The following CHERP variants were observed in gnomAD, a reference collection of about 807,000 sequenced individuals.
The protein encoded by CHERP is ERPROT 213-21.
Under a neutral mutation model 113.8 loss-of-function variants are expected in CHERP, and 8 were observed. That is an observed-to-expected ratio of 0.07 (90% CI 0.04 to 0.13). The LOEUF is 0.13. CHERP is among the 10% of genes least tolerant of loss of function. CHERP has a pLI of 1.00. For missense variants in CHERP, 884 were observed against 1,298.2 expected (o/e 0.68, Z 4.90); for synonymous variants, 559 against 524.5 (o/e 1.07, Z -0.90).
At chr19:16,542,189 GGCC>G in intron 1 of CHERP, 146 bp from the exon 2 acceptor site, 1 of 1,087,750 alleles carries the variant, frequency 9.2e-7, no homozygotes, top group Non-Finnish European at 1.3e-6. Flanking sequence ...TCCCGATAGG[GGCC>G]ACACGCTCGC....
At chr19:16,540,898 A>C (rs1173020767) in intron 2 of CHERP, among the ~76,000 whole-genome samples, 2 of 151,424 alleles carry the variant, frequency 1.3e-5, no homozygotes, top group African/African-American at 4.9e-5. Flanking sequence ...GGGTTTCACT[A>C]TGTTGGCCAG....
chr19:16,529,974 C>T, intron 7 of CHERP, 74 bp from the exon 8 acceptor site: 1 of 1,529,846 alleles, frequency 6.5e-7, no homozygotes, highest in South Asian at 1.2e-5. Flanking sequence ...AGGACAAACG[C>T]CTGGAAAGCA....
intron 1 of CHERP, 90 bp from the exon 2 acceptor site, chr19:16,542,133 G>A (rs898255308): frequency 6.9e-7 from 1 of 1,439,682 alleles, no homozygotes; most frequent in Non-Finnish European, 9.3e-7. Context: ...CCGCCTTGCC[G>A]GGGACCCCAA....
chr19:16,542,241 G>A (rs2085785532), intron 1 of CHERP, 113 bp downstream of exon 1: 6 of 1,137,928 alleles, frequency 5.3e-6, no homozygotes, highest in East Asian at 3.1e-5. Flanking sequence ...CGCAGGCGAA[G>A]CCGCGAGGCC....
At chr19:16,538,030 A>T (rs1270003891) in intron 2 of CHERP, among the ~76,000 whole-genome samples, 2 of 152,160 alleles carry the variant, frequency 1.3e-5, no homozygotes, top group Admixed American at 6.5e-5. Flanking sequence ...CCAGGCTTTA[A>T]GGCGTGGGGT....
chr19:16,535,604 G>C lies in CHERP; in HGVS notation c.232C>G (p.Pro78Ala), dbSNP rs1216864363. Residue 78 changes from proline to alanine, a missense_variant, in exon 3 of 17, where the codon CCA (proline) becomes GCA (alanine). Physicochemically the swap from Pro to Ala is conservative, Grantham distance 27. Around this residue, in one of 8 missense-constraint regions of CHERP, gnomAD observed 109 missense variants for 134.2 expected, o/e 0.81. Coordinates refer to ENST00000546361, the MANE Select transcript of CHERP (RefSeq NM_006387.6). The surrounding 1 kb of genome is among the most constrained non-coding windows in gnomAD (Gnocchi z 4.3). ...ICKQQTPELEPAATMPPLPQP... is the reference protein window; with the variant it reads ...ICKQQTPELEAAATMPPLPQP... ...GGCAGGGGTGGCATGGTGGCGGCTG[G>C]CTCCAGCTCCGGGGTCTGCTGCTTG... The C allele has an allele frequency of 7.1e-6, 11 of 1,540,084 alleles. No homozygotes were observed.
chr19:16,528,574 G>C (rs1166667851), intron 8 of CHERP, among the ~76,000 whole-genome samples: 15 of 152,206 alleles, frequency 9.9e-5, no homozygotes, highest in Admixed American at 9.8e-4. Flanking sequence ...TAATTAAAAG[G>C]TCATTTCCCC....
At chr19:16,538,032 G>GC (rs541122940) in intron 2 of CHERP, among the ~76,000 whole-genome samples, 31 of 152,200 alleles carry the variant, frequency 2.0e-4, no homozygotes, top group Admixed American at 1.5e-3. Context: ...AGGCTTTAAG[G>GC]CGTGGGGTGC....
chr19:16,520,260 C>G lies in CHERP; in HGVS notation c.2351G>C (p.Arg784Pro), dbSNP rs372500028. The change falls in exon 15 of 17, where the codon CGG becomes CCG. Residue 784 changes from arginine (R) to proline (P), a missense_variant. Physicochemically the swap from Arg to Pro is moderately radical, Grantham distance 103. This residue lies in a region of CHERP where 159 missense variants were observed against 185.8 expected (regional missense o/e 0.86). Transcript: ENST00000546361. The surrounding 1 kb of genome is among the most constrained non-coding windows in gnomAD (Gnocchi z 4.0). Reference sequence around the variant, plus strand: ...GCTTCTGGAGGAGCGCGACCTGCTCCGACTTCTGCAGGGAAGGGTGCCCAA... The same window carrying G: ...GCTTCTGGAGGAGCGCGACCTGCTCGGACTTCTGCAGGGAAGGGTGCCCAA... ...RSYSRSRSRS[R>P]SRSRSSRSRS... 1 of 1,613,296 alleles carries G rather than the reference C, an allele frequency of 6.2e-7. No individual in the cohort carries two copies. The highest frequency in any genetic ancestry group is 1.3e-5 in the African/African-American group (1 of 74,902).
At chr19:16,526,774 CT>C (rs1475548879) in intron 9 of CHERP, among the ~76,000 whole-genome samples, 1 of 150,952 alleles carries the variant, frequency 6.6e-6, no homozygotes, top group Non-Finnish European at 1.5e-5. Context: ...CCTTGCTTTT[CT>C]TTTTTAGAGA....
At position 16,524,484 on chromosome 19, in the gene CHERP, A is replaced by T. The variant is rs141625482; in HGVS notation, c.1741+758T>A. Among the ~76,000 whole-genome samples the T allele has an allele frequency of 6.1e-3, 917 of 151,026 alleles. 4 individuals are homozygous for T. Among genetic ancestry groups the T allele is most frequent in the Non-Finnish European group, 0.01 (707 of 67,784 alleles). On this transcript the variant is annotated intron_variant, in intron 10 of 16. Coordinates refer to ENST00000546361, the MANE Select transcript of CHERP (RefSeq NM_006387.6). Reference sequence around the variant, plus strand: ...GGCAGGAGAATCATCTGAATCTGGGAGGCGGAGGTTGCAGTGAGCTGAGAT... The same window carrying T: ...GGCAGGAGAATCATCTGAATCTGGGTGGCGGAGGTTGCAGTGAGCTGAGAT...
Position 16,529,751 on chromosome 19 carries a change from G to GAGC in CHERP, c.1023_1025dup (p.Leu342dup). 6.2e-7 allele frequency: 1 copy of GAGC among 1,612,054 alleles called. No homozygotes were observed. The highest frequency in any genetic ancestry group is 8.5e-7 in the Non-Finnish European group (1 of 1,179,740). On this transcript the variant is annotated inframe_insertion, in exon 8 of 17. Transcript: ENST00000546361. ...CTTCAGCCTCCATCTGCGGCATCTGGAGCTGCTGCTGCTGCTGTTGCTGCT... is the reference window on the plus strand; with the variant it reads ...CTTCAGCCTCCATCTGCGGCATCTGGAGCAGCTGCTGCTGCTGCTGTTGCTGCT...
Position 16,530,387 on chromosome 19 carries a change from A to G in CHERP, c.876+198T>C, listed in dbSNP as rs2085692183. On this transcript the variant is annotated intron_variant, in intron 7 of 16. Coordinates refer to ENST00000546361, the MANE Select transcript of CHERP (RefSeq NM_006387.6). This position sits in a 1 kb window ranked among gnomAD's most constrained non-coding sequence, Gnocchi z 4.1. ...CCGCCTGGTTCTAGTGTTCCAGGAA[A>G]GTCAGGGAGACACACCTAAGGCCTG... Among the ~76,000 whole-genome samples the G allele has an allele frequency of 6.6e-6, 1 of 152,214 alleles. No individual in the cohort carries two copies. The highest frequency in any genetic ancestry group is 2.4e-5 in the African/African-American group (1 of 41,454).
In CHERP at chr19:16,519,738, T is replaced by C. The variant is rs766012811; in HGVS notation, c.2463-23A>G. ...GAACTAAAATCGAGACAGGTTATTC[T>C]TTTTAAGAAGTAACTGAGACATTTA... On this transcript the variant is annotated intron_variant, in intron 15 of 16. Coordinates refer to ENST00000546361, the MANE Select transcript of CHERP (RefSeq NM_006387.6). The surrounding 1 kb of genome is among the most constrained non-coding windows in gnomAD (Gnocchi z 6.0). 2 of 1,583,922 alleles carry C rather than the reference T, an allele frequency of 1.3e-6. No homozygotes were observed. The highest frequency in any genetic ancestry group is 2.2e-5 in the South Asian group (2 of 90,368).
intron 11 of CHERP, 98 bp from the exon 12 acceptor site, chr19:16,521,752 C>G: frequency 8.2e-7 from 1 of 1,213,174 alleles, no homozygotes; most frequent in Non-Finnish European, 1.1e-6. Flanking sequence ...GGCCCAGGTT[C>G]AGTGTCAAGG....
At position 16,533,157 on chromosome 19, in the gene CHERP, G is replaced by T; in HGVS notation, c.385-9C>A. ...GCCGCTGTCACTTGCTCCTGCGGGC[G>T]GGGGTCGGTGGGGTCGAGAACACAT... On this transcript the variant is annotated splice_polypyrimidine_tract_variant and intron_variant, in intron 3 of 16. Coordinates refer to ENST00000546361, the MANE Select transcript of CHERP (RefSeq NM_006387.6). 1 of 1,575,580 alleles carries T rather than the reference G, an allele frequency of 6.3e-7. No individual in the cohort carries two copies. The highest frequency in any genetic ancestry group is 2.3e-5 in the East Asian group (1 of 43,298).
rs1469665303 is a variant in CHERP, at chr19:16,525,636, T to TGGGCCGCCCTGGTGGTGC, written c.1329_1346dup (p.His444_Pro449dup). 13 of 1,527,796 alleles carry TGGGCCGCCCTGGTGGTGC rather than the reference T, an allele frequency of 8.5e-6. No individual in the cohort carries two copies. In the African/African-American group the frequency reaches 1.7e-4, roughly 19 times the overall value. 94.6% of individuals were successfully genotyped at this position (1,527,796 alleles called of 1,614,324 possible). A position where few individuals can be genotyped will look rare whatever the true frequency, so the allele number is the denominator to read the frequency against. On this transcript the variant is annotated inframe_insertion, in exon 10 of 17. Coordinates refer to ENST00000546361, the MANE Select transcript of CHERP (RefSeq NM_006387.6). The surrounding 1 kb of genome is among the most constrained non-coding windows in gnomAD (Gnocchi z 6.5). ...TGTTGTTCCAGGGGGGGCAGTGGGGTGGGCCGCCCTGGTGGTGCGGGTAGG... is the reference window on the plus strand; with the variant it reads ...TGTTGTTCCAGGGGGGGCAGTGGGGTGGGCCGCCCTGGTGGTGCGGGCCGCCCTGGTGGTGCGGGTAGG...
chr19:16,525,819 C>G lies in CHERP; in HGVS notation c.1306-142G>C, dbSNP rs560504043. On this transcript the variant is annotated intron_variant, in intron 9 of 16. Transcript: ENST00000546361. The surrounding 1 kb of genome is among the most constrained non-coding windows in gnomAD (Gnocchi z 6.5). ...CACGTTGAGGCGCCTCCTACGCTGACGCCTGCGAGGATGCTGGGCACCTGC... is the reference window on the plus strand; with the variant it reads ...CACGTTGAGGCGCCTCCTACGCTGAGGCCTGCGAGGATGCTGGGCACCTGC... 1.1e-3 allele frequency: 786 copies of G among 709,142 alleles called. 10 individuals carry two copies. In the South Asian group the frequency reaches 0.016, roughly 14 times the overall value. The allele number at this position is 709,142 out of a possible 1,614,324, so 43.9% of individuals were successfully genotyped here.
Position 16,530,092 on chromosome 19 carries a change from T to C in CHERP, c.877-192A>G, listed in dbSNP as rs141479810. Among the ~76,000 whole-genome samples the C allele has an allele frequency of 0.023, 3,566 of 152,274 alleles. 47 individuals are homozygous for C. The highest frequency in any genetic ancestry group is 0.044 in the Middle Eastern group (13 of 294). ...TGGGATCTGGCCAGAGATTTGGGGA[T>C]GAGGATGTTCGCTGCAGCGTGTTTT... is the stretch of plus-strand genomic sequence containing the variant. On this transcript the variant is annotated intron_variant, in intron 7 of 16. Coordinates refer to ENST00000546361, the MANE Select transcript of CHERP (RefSeq NM_006387.6). This position sits in a 1 kb window ranked among gnomAD's most constrained non-coding sequence, Gnocchi z 4.1.
Sources: gnomAD v4.1 joint callset for allele counts (sites outside exome capture counted in the v4.1 genomes callset) on GRCh38, gnomAD v4.1.1 for gene constraint, gnomAD v4.1.1 regional missense constraint, Gnocchi (gnomAD v3.1) non-coding constraint, MANE v1.5 for transcripts, NCBI Gene and HGNC (gene_info 2026-07-23, HGNC 2026-07-21) for gene names.